The following ZNF804B variants were observed in gnomAD, a reference collection of about 807,000 sequenced individuals.
ZNF804B encodes the protein zinc finger protein 804B.
ZNF804B carries 80 observed loss-of-function variants against 101.4 expected under a neutral mutation model. The observed-to-expected ratio is 0.79, with a 90% CI of 0.66 to 0.95. The LOEUF (loss-of-function observed/expected upper bound fraction) is 0.95. Ranked by LOEUF, ZNF804B falls within the 40% of genes least tolerant of loss-of-function variation. The pLI, the probability that ZNF804B is intolerant of heterozygous loss-of-function variation, is 0.00. For synonymous variants in ZNF804B, 622 were observed against 558.8 expected (o/e 1.11, Z -1.59); for missense variants, 1,673 against 1,561.9 (o/e 1.07, Z -1.20).
At chr7:88,932,767 C>A (rs1160108888) in intron 1 of ZNF804B, among the ~76,000 whole-genome samples, 1 of 151,254 alleles carries the variant, frequency 6.6e-6, no homozygotes, top group Non-Finnish European at 1.5e-5. Context: ...TAAAAAATGC[C>A]CACAAAAAGT....
At chr7:89,099,924 G>A (rs1419355803) in intron 1 of ZNF804B, among the ~76,000 whole-genome samples, 1 of 152,098 alleles carries the variant, frequency 6.6e-6, no homozygotes, top group African/African-American at 2.4e-5. Flanking sequence ...CTTGATCTTG[G>A]AGAGGCTTCA....
At chr7:89,273,076 T>C (rs776092305) in intron 2 of ZNF804B, among the ~76,000 whole-genome samples, 1 of 152,164 alleles carries the variant, frequency 6.6e-6, no homozygotes, top group Non-Finnish European at 1.5e-5. Context: ...CACATATAGA[T>C]AATTATAAAA....
rs3059353 is a variant in ZNF804B at position 89,136,736 on chromosome 7, A to AGT, written c.109-81391_109-81390dup. 1.7e-3 allele frequency among the ~76,000 whole-genome samples: 248 copies of AGT among 145,656 alleles called. 2 individuals are homozygous for AGT. In the South Asian group the frequency reaches 0.018, roughly 11 times the overall value. Reference sequence around the variant, plus strand: ...GCTGAATTATATTTGTGTGTGTGTGAGTGTGTGTGTGTGTGTGTGTGTGTG... The same window carrying AGT: ...GCTGAATTATATTTGTGTGTGTGTGAGTGTGTGTGTGTGTGTGTGTGTGTGTG... On this transcript the variant is annotated intron_variant, in intron 1 of 3. Coordinates refer to ENST00000333190, the MANE Select transcript of ZNF804B (RefSeq NM_181646.5).
intron 1 of ZNF804B, among the ~76,000 whole-genome samples, chr7:89,208,751 G>T (rs1457112853): frequency 6.6e-6 from 1 of 152,032 alleles, no homozygotes; most frequent in South Asian, 2.1e-4. Flanking sequence ...GGTGGCTCAC[G>T]CCTGTAATCC....
chr7:89,168,543 C>G (rs377398522), intron 1 of ZNF804B, among the ~76,000 whole-genome samples: 1 of 152,076 alleles, frequency 6.6e-6, no homozygotes, highest in African/African-American at 2.4e-5. Flanking sequence ...ACCTTTCTAG[C>G]TAATGCTATT....
chr7:89,118,289 A>G (rs1450169993), intron 1 of ZNF804B, among the ~76,000 whole-genome samples: 2 of 152,162 alleles, frequency 1.3e-5, no homozygotes, highest in South Asian at 2.1e-4. Context: ...GAATTAGGTA[A>G]CCAGGTCTGC....
At chr7:88,775,500 T>A (rs1387832728) in intron 1 of ZNF804B, among the ~76,000 whole-genome samples, 1 of 152,250 alleles carries the variant, frequency 6.6e-6, no homozygotes, top group South Asian at 2.1e-4. Flanking sequence ...CAGAAGCTTT[T>A]CTACTTCTTC....
chr7:89,290,035 T>C (rs934716129), intron 2 of ZNF804B, among the ~76,000 whole-genome samples: 1 of 152,084 alleles, frequency 6.6e-6, no homozygotes, highest in Non-Finnish European at 1.5e-5. Context: ...CAAAGTAGGA[T>C]TGGACACCGG....
intron 1 of ZNF804B, among the ~76,000 whole-genome samples, chr7:88,816,195 A>G (rs1424875271): frequency 2.0e-5 from 3 of 151,978 alleles, no homozygotes; most frequent in African/African-American, 7.3e-5. Context: ...TTCCTATTAC[A>G]CTGGGTTCCA....
intron 1 of ZNF804B, among the ~76,000 whole-genome samples, chr7:88,804,819 T>C (rs1351577461): frequency 6.6e-6 from 1 of 152,056 alleles, no homozygotes; most frequent in Non-Finnish European, 1.5e-5. Context: ...ATTTGACTAG[T>C]AGAAGTTTAG....
intron 1 of ZNF804B, among the ~76,000 whole-genome samples, chr7:89,199,532 A>G (rs1269798783): frequency 1.3e-5 from 2 of 151,930 alleles, no homozygotes; most frequent in East Asian, 3.9e-4. Context: ...TATAATCAAT[A>G]TATTGGCCTG....
At chr7:88,899,211 A>T (rs1224268251) in intron 1 of ZNF804B, among the ~76,000 whole-genome samples, 2 of 152,192 alleles carry the variant, frequency 1.3e-5, no homozygotes, top group African/African-American at 2.4e-5. Flanking sequence ...TGATATCTTC[A>T]ACAATTTTTT....
chr7:89,158,347 C>A (rs1425758064), intron 1 of ZNF804B, among the ~76,000 whole-genome samples: 1 of 152,126 alleles, frequency 6.6e-6, no homozygotes, highest in Non-Finnish European at 1.5e-5. Context: ...CTAAAATTCT[C>A]AGAGTGCTCT....
intron 1 of ZNF804B, among the ~76,000 whole-genome samples, chr7:89,041,828 T>G (rs535355251): frequency 6.6e-6 from 1 of 152,286 alleles, no homozygotes; most frequent in African/African-American, 2.4e-5. Context: ...CTTGCTATAA[T>G]TTGTCAGCTA....
chr7:88,849,263 A>C (rs936155660), intron 1 of ZNF804B, among the ~76,000 whole-genome samples: 1 of 152,086 alleles, frequency 6.6e-6, no homozygotes, highest in African/African-American at 2.4e-5. Context: ...TTCATTTACC[A>C]TGATTCAAAT....
At chr7:89,206,482 T>A (rs543424715) in intron 1 of ZNF804B, among the ~76,000 whole-genome samples, 16 of 152,300 alleles carry the variant, frequency 1.1e-4, no homozygotes, top group Admixed American at 3.3e-4. Context: ...CCAGGCACGG[T>A]GGCTCATGCC....
Position 89,334,663 on chromosome 7 carries a change from C to G in ZNF804B, c.1681C>G (p.Pro561Ala). Residue 561 changes from proline (P) to alanine (A), a missense_variant, in exon 4 of 4, where the codon CCA becomes GCA. By Grantham distance (27) the Pro-to-Ala change is conservative. Transcript: ENST00000333190. ...KYNLDYSDSE[P>A]NKSEYTFSAN... Reference sequence around the variant, plus strand: ...TAATTTGGACTACAGTGATTCTGAGCCAAATAAGAGTGAATATACTTTCAG... The same window carrying G: ...TAATTTGGACTACAGTGATTCTGAGGCAAATAAGAGTGAATATACTTTCAG... 6.2e-7 allele frequency: 1 copy of G among 1,613,624 alleles called. No individual in the cohort carries two copies. The highest frequency in any genetic ancestry group is 8.5e-7 in the Non-Finnish European group (1 of 1,179,796).
intron 1 of ZNF804B, among the ~76,000 whole-genome samples, chr7:88,921,410 A>T (rs1792717074): frequency 6.6e-6 from 1 of 152,150 alleles, no homozygotes; most frequent in Non-Finnish European, 1.5e-5. Context: ...AGAGTAGTAG[A>T]AGAGGTTCCT....
chr7:89,093,883 T>G (rs149120226), intron 1 of ZNF804B, among the ~76,000 whole-genome samples: 26 of 152,316 alleles, frequency 1.7e-4, no homozygotes, highest in Non-Finnish European at 3.7e-4. Flanking sequence ...TACCTGGAAG[T>G]GAGTTAGAAC....
Sources: gnomAD v4.1 joint callset for allele counts (sites outside exome capture counted in the v4.1 genomes callset) on GRCh38, gnomAD v4.1.1 for gene constraint, MANE v1.5 for transcripts, NCBI Gene and HGNC (gene_info 2026-07-23, HGNC 2026-07-21) for gene names.